Variants in TENM1 observed in about 807,000 individuals in gnomAD.
TENM1 encodes the protein teneurin transmembrane protein 1, also known as teneurin-1.
TENM1 carries 35 observed loss-of-function variants against 174.8 expected under a neutral mutation model. The ratio of observed to expected loss-of-function variants is 0.20; its 90% CI spans 0.15 to 0.27. TENM1 has a LOEUF of 0.27. Ranked by LOEUF, TENM1 falls within the 10% of genes least tolerant of loss-of-function variation. TENM1 has a pLI of 1.00. For synonymous variants in TENM1, 781 were observed against 798.7 expected (o/e 0.98, Z 0.37); for missense variants, 1,633 against 2,130.1 (o/e 0.77, Z 4.59).
intron 25 of TENM1, among the ~76,000 whole-genome samples, chrX:124,418,712 T>C (rs2060620035): frequency 8.9e-6 from 1 of 112,294 alleles, no homozygotes; most frequent in South Asian, 3.7e-4. Flanking sequence ...ACTGGTTCTT[T>C]TGAAAACTAG....
the TENM1 span, among the ~76,000 whole-genome samples, chrX:125,116,044 G>A: frequency 1.8e-5 from 2 of 111,601 alleles, no homozygotes; most frequent in African/African-American, 3.3e-5. Context: ...TACCAAAACA[G>A]ATATATAGAC....
intron 3 of TENM1, among the ~76,000 whole-genome samples, chrX:124,780,133 A>G (rs2054875453): frequency 8.9e-6 from 1 of 111,984 alleles, no homozygotes; most frequent in Non-Finnish European, 1.9e-5. Flanking sequence ...ATAAAAACAC[A>G]TATGAGGCTA....
At chrX:125,118,189 T>C in the TENM1 span, among the ~76,000 whole-genome samples, 1 of 110,934 alleles carries the variant, frequency 9.0e-6, no homozygotes, top group Admixed American at 9.7e-5. Context: ...CATGGACATA[T>C]AGAGCAGAAT....
intron 1 of TENM1, among the ~76,000 whole-genome samples, chrX:124,955,006 T>C (rs978641945): frequency 2.7e-5 from 3 of 112,003 alleles, no homozygotes; most frequent in African/African-American, 9.7e-5. Flanking sequence ...TTTTGTAATT[T>C]ACTTCCTGTC....
chrX:125,184,044 G>A, the TENM1 span, among the ~76,000 whole-genome samples: 2 of 112,012 alleles, frequency 1.8e-5, no homozygotes, highest in East Asian at 2.8e-4. Context: ...AAGACTGAGA[G>A]TAGAGCCCAG....
chrX:125,153,973 C>T, the TENM1 span, among the ~76,000 whole-genome samples: 1 of 112,376 alleles, frequency 8.9e-6, no homozygotes, highest in Non-Finnish European at 1.9e-5. Flanking sequence ...ATCCTCAAGT[C>T]ATCTTTTTAA....
chrX:124,609,217 A>G (rs1012275954), intron 11 of TENM1, among the ~76,000 whole-genome samples: 4 of 111,737 alleles, frequency 3.6e-5, no homozygotes, highest in Non-Finnish European at 5.7e-5. Flanking sequence ...TGGCAGATCA[A>G]ATAAGGATAT....
At chrX:124,433,063 G>A (rs1458074778) in intron 23 of TENM1, among the ~76,000 whole-genome samples, 1 of 111,849 alleles carries the variant, frequency 8.9e-6, no homozygotes, top group Admixed American at 9.5e-5. Flanking sequence ...ATGACACTGC[G>A]GAGCTGCCAT....
intron 3 of TENM1, among the ~76,000 whole-genome samples, chrX:124,838,038 A>C (rs60391290): frequency 0.036 from 4,049 of 112,493 alleles, 94 homozygotes; most frequent in African/African-American, 0.08. Context: ...TCCCCCAGGC[A>C]TACCAGCTCT....
intron 4 of TENM1, among the ~76,000 whole-genome samples, chrX:124,726,901 C>A (rs1032795003): frequency 8.9e-6 from 1 of 111,932 alleles, no homozygotes; most frequent in African/African-American, 3.2e-5. Flanking sequence ...CCAAATGATT[C>A]TTTTTTCCCC....
chrX:125,095,394 T>C, the TENM1 span, among the ~76,000 whole-genome samples: 1 of 111,978 alleles, frequency 8.9e-6, no homozygotes, highest in Admixed American at 9.5e-5. Context: ...ATAGGATGTC[T>C]CAGGTAAGTT....
intron 11 of TENM1, among the ~76,000 whole-genome samples, chrX:124,615,892 T>C (rs911595108): frequency 8.9e-6 from 1 of 112,417 alleles, no homozygotes; most frequent in Non-Finnish European, 1.9e-5. Flanking sequence ...TCTTTAGGGA[T>C]GAGGACATAA....
chrX:124,653,734 T>C lies in TENM1; in HGVS notation c.1218A>G (p.Ala406=), dbSNP rs144270460. The C allele has an allele frequency of 4.3e-4, 522 of 1,210,024 alleles. 2 individuals carry two copies. In the African/African-American group the frequency reaches 7.9e-3, roughly 18 times the overall value. The change falls in exon 7 of 32, where the codon GCA becomes GCG. Residue 406 remains alanine, a synonymous_variant. Coordinates refer to ENST00000422452, the Ensembl canonical transcript of TENM1. ...CAGGTGGAATGGTCTGCATGACCTG[T>C]GCACCAATGTCAACTTCTCCAGTGT...
chrX:124,620,170 G>A (rs1047935807), intron 11 of TENM1, among the ~76,000 whole-genome samples: 11 of 111,876 alleles, frequency 9.8e-5, no homozygotes, highest in Non-Finnish European at 2.1e-4. Context: ...AAGAATGGGA[G>A]AAGACCTGGT....
intron 4 of TENM1, among the ~76,000 whole-genome samples, chrX:124,730,230 C>A (rs7058325): frequency 0.14 from 15,554 of 110,856 alleles, 1,372 homozygotes; most frequent in African/African-American, 0.33. Flanking sequence ...TATATGTTTA[C>A]TTTGAGGAAA....
intron 5 of TENM1, among the ~76,000 whole-genome samples, chrX:124,695,230 C>A (rs191713012): frequency 1.8e-5 from 2 of 110,965 alleles, no homozygotes; most frequent in African/African-American, 6.5e-5. Flanking sequence ...ACTATTTTTG[C>A]CACAACAAAG....
intron 23 of TENM1, among the ~76,000 whole-genome samples, chrX:124,432,581 T>A (rs867750523): frequency 3.6e-5 from 4 of 111,368 alleles, no homozygotes; most frequent in Admixed American, 9.5e-5. Flanking sequence ...GCTATTTTTT[T>A]ATTTTTATTT....
In TENM1 at chrX:124,403,519, T is replaced by TC. The variant is rs1297080364; in HGVS notation, c.5391+1511dup. ...TGGGCGACAGAGCAAGACTCTTGTC[T>TC]CAAAAAAAAAAAAAGAAAAAAAAAA... On this transcript the variant is annotated intron_variant, in intron 27 of 31. Coordinates refer to ENST00000422452, the Ensembl canonical transcript of TENM1. Among the ~76,000 whole-genome samples, 442 of 57,491 alleles carry TC rather than the reference T, an allele frequency of 7.7e-3. 7 individuals carry two copies. The Admixed American group carries it at 0.078, about 10-fold the overall frequency. The allele number at this position is 57,491 out of a possible 115,157, so 49.9% of individuals were successfully genotyped here.
chrX:124,608,040 G>C (rs1368507710), intron 11 of TENM1, among the ~76,000 whole-genome samples: 3 of 111,248 alleles, frequency 2.7e-5, no homozygotes, highest in African/African-American at 6.5e-5. Flanking sequence ...GCAAGTATAA[G>C]GAGGATAAGT....
Sources: gnomAD v4.1 joint callset for allele counts (sites outside exome capture counted in the v4.1 genomes callset) on GRCh38, gnomAD v4.1.1 for gene constraint, MANE v1.5 for transcripts, NCBI Gene and HGNC (gene_info 2026-07-23, HGNC 2026-07-21) for gene names.